EXOC2: variants seen among roughly 807,000 people sequenced by gnomAD.
EXOC2 encodes exocyst complex component 2.
EXOC2 carries 70 observed loss-of-function variants against 131.8 expected under a neutral mutation model. The observed-to-expected ratio is 0.53, with a 90% CI of 0.44 to 0.65. The LOEUF (loss-of-function observed/expected upper bound fraction) is 0.65, where lower values mean the gene tolerates loss of function less well. Ranked by LOEUF, EXOC2 falls within the 30% of genes least tolerant of loss-of-function variation. The pLI is 0.00. For missense variants in EXOC2, 923 were observed against 1,108.6 expected, an observed-to-expected ratio of 0.83 and a Z score of 2.38; for synonymous variants, 411 against 398.4, an observed-to-expected ratio of 1.03 and a Z score of -0.38.
intron 10 of EXOC2, among the ~76,000 whole-genome samples, chr6:596,890 T>G (rs990934716): frequency 6.6e-6 from 1 of 152,204 alleles, no homozygotes; most frequent in African/African-American, 2.4e-5. Context: ...AACTTAAAAT[T>G]TATATGCTTT....
intron 7 of EXOC2, 105 bp downstream of exon 7, chr6:609,993 T>C: frequency 1.2e-6 from 1 of 865,012 alleles, no homozygotes; most frequent in Non-Finnish European, 1.8e-6. Context: ...AAATAAATAG[T>C]AAAATGCAAC....
At chr6:558,489 G>A (rs944350352) in intron 17 of EXOC2, among the ~76,000 whole-genome samples, 28 of 152,042 alleles carry the variant, frequency 1.8e-4, no homozygotes, top group African/African-American at 6.5e-4. Context: ...ATTGACAATC[G>A]AATCTGAAAT....
chr6:653,553 C>T (rs982884498), intron 1 of EXOC2, among the ~76,000 whole-genome samples: 15 of 152,134 alleles, frequency 9.9e-5, no homozygotes, highest in Admixed American at 8.5e-4. Flanking sequence ...GCTATGAAGG[C>T]TTAGAGAAGT....
chr6:563,996 A>G, intron 16 of EXOC2, 37 bp downstream of exon 16: 1 of 1,607,160 alleles, frequency 6.2e-7, no homozygotes. Flanking sequence ...TCAGATAATC[A>G]TTGCACAGTG....
rs1026081144 is a variant in EXOC2 at position 488,994 on chromosome 6, C to T, written c.2666G>A (p.Ser889Asn). ...QALEALPQLS[S>N]GADKKLLEEL... ...CAGGACTTACTTTTTATCTGCTCCA[C>T]TGGAAAGCTGGGGCAGGGCTTCCAA... is the stretch of plus-strand genomic sequence containing the variant. Residue 889 changes from serine to asparagine, a missense_variant, in exon 27 of 28, where the codon AGT (serine) becomes AAT (asparagine). By Grantham distance (46) the Ser-to-Asn change is conservative. Transcript: ENST00000230449. 33 of 1,613,860 alleles carry T rather than the reference C, an allele frequency of 2.0e-5. No homozygotes were observed. Among genetic ancestry groups the T allele is most frequent in the Non-Finnish European group, 2.6e-5 (31 of 1,179,920 alleles).
chr6:553,933 G>C lies in EXOC2; in HGVS notation c.2055-13C>G. ...ATCAACAGAGAGACTGAACATAGAAGCAAGTAGGAACAGTTACAAATAAAG... is the reference window on the plus strand; with the variant it reads ...ATCAACAGAGAGACTGAACATAGAACCAAGTAGGAACAGTTACAAATAAAG... On this transcript the variant is annotated splice_polypyrimidine_tract_variant and intron_variant, in intron 20 of 27. Transcript: ENST00000230449. The C allele has an allele frequency of 6.2e-7, 1 of 1,609,888 alleles. No homozygotes were observed. Among genetic ancestry groups the C allele is most frequent in the Non-Finnish European group, 8.5e-7 (1 of 1,176,380 alleles).
intron 6 of EXOC2, among the ~76,000 whole-genome samples, chr6:612,641 C>T (rs1045801726): frequency 2.0e-5 from 3 of 152,110 alleles, no homozygotes; most frequent in Non-Finnish European, 4.4e-5. Context: ...AAAATGATAC[C>T]TACCTGAATT....
chr6:608,541 C>T (rs769615581), intron 7 of EXOC2, among the ~76,000 whole-genome samples: 12 of 151,944 alleles, frequency 7.9e-5, no homozygotes, highest in South Asian at 2.1e-4. Flanking sequence ...AAAGTTAATA[C>T]GACACTTTTC....
Position 690,386 on chromosome 6 carries a change from C to T in EXOC2, c.-44+2633G>A, listed in dbSNP as rs374714640. Reference sequence around the variant, plus strand: ...ATAAACAAACTGAGATTGAAGGATGCCGATGCGTGTGTCACCCATCGCTTT... The same window carrying T: ...ATAAACAAACTGAGATTGAAGGATGTCGATGCGTGTGTCACCCATCGCTTT... On this transcript the variant is annotated intron_variant, in intron 1 of 27. Transcript: ENST00000230449. Among the ~76,000 whole-genome samples the T allele has an allele frequency of 3.3e-5, 5 of 152,254 alleles. No individual in the cohort carries two copies. In the East Asian group the frequency reaches 7.7e-4, roughly 24 times the overall value.
intron 1 of EXOC2, among the ~76,000 whole-genome samples, chr6:642,788 A>G (rs1376748045): frequency 6.6e-6 from 1 of 152,190 alleles, no homozygotes; most frequent in African/African-American, 2.4e-5. Context: ...TAGGTAGAAG[A>G]TATTTGAAGA....
chr6:599,156 C>T lies in EXOC2; in HGVS notation c.812G>A (p.Arg271Lys). The change falls in exon 8 of 28, where the codon AGA becomes AAA. Residue 271 changes from arginine to lysine, a missense_variant. Transcript: ENST00000230449. ...LGRKDKADST[R>K]NALNVLQRFK... ...TCGCTGAAGCACATTGAGTGCATTTCTAGTGGAATCTGCCTTGTCTTTCCG... is the reference window on the plus strand; with the variant it reads ...TCGCTGAAGCACATTGAGTGCATTTTTAGTGGAATCTGCCTTGTCTTTCCG... 6.2e-7 allele frequency: 1 copy of T among 1,613,174 alleles called. No homozygotes were observed. Among genetic ancestry groups the T allele is most frequent in the Non-Finnish European group, 8.5e-7 (1 of 1,179,458 alleles).
intron 23 of EXOC2, among the ~76,000 whole-genome samples, chr6:507,011 T>TACAC (rs150515907): frequency 6.7e-6 from 1 of 148,580 alleles, no homozygotes; most frequent in African/African-American, 2.5e-5. Context: ...TAGCAGGGAC[T>TACAC]ACACACACAC....
chr6:537,222 GCA>G (rs1766502671), intron 22 of EXOC2, among the ~76,000 whole-genome samples: 1 of 150,804 alleles, frequency 6.6e-6, no homozygotes, highest in Non-Finnish European at 1.5e-5. Context: ...CCGACGGAGC[GCA>G]CACACGAGAT....
intron 25 of EXOC2, among the ~76,000 whole-genome samples, chr6:495,282 C>T (rs542057897): frequency 2.5e-4 from 38 of 151,832 alleles, no homozygotes; most frequent in African/African-American, 6.5e-4. Context: ...CCCGCCACCG[C>T]GCCCGGCTAA....
At chr6:629,771 G>T in intron 4 of EXOC2, 64 bp downstream of exon 4, 2 of 1,581,250 alleles carry the variant, frequency 1.3e-6, no homozygotes, top group East Asian at 2.3e-5. Flanking sequence ...TCCCTTTCCT[G>T]TAAGTATATA....
intron 13 of EXOC2, among the ~76,000 whole-genome samples, chr6:566,505 G>A (rs373205169): frequency 4.6e-5 from 7 of 152,162 alleles, no homozygotes; most frequent in East Asian, 1.9e-4. Context: ...ACGCACGCCC[G>A]CTCGGCTAAC....
intron 1 of EXOC2, among the ~76,000 whole-genome samples, chr6:654,153 G>C (rs1451137452): frequency 6.6e-6 from 1 of 152,192 alleles, no homozygotes; most frequent in Non-Finnish European, 1.5e-5. Context: ...TACAAAAGGA[G>C]ATGAATGTTT....
chr6:576,616 T>C (rs1360885073), intron 12 of EXOC2, 141 bp downstream of exon 12: 2 of 854,296 alleles, frequency 2.3e-6, no homozygotes, highest in African/African-American at 3.4e-5. Flanking sequence ...TGGTAGTTAC[T>C]GTAACAAGCA....
chr6:679,793 C>T (rs1337568822), intron 1 of EXOC2, among the ~76,000 whole-genome samples: 1 of 152,230 alleles, frequency 6.6e-6, no homozygotes, highest in African/African-American at 2.4e-5. Context: ...AGAATACTTA[C>T]AACAAATTAG....
Sources: gnomAD v4.1 joint callset for allele counts (sites outside exome capture counted in the v4.1 genomes callset) on GRCh38, gnomAD v4.1.1 for gene constraint, MANE v1.5 for transcripts, NCBI Gene and HGNC (gene_info 2026-07-23, HGNC 2026-07-21) for gene names.